The following DNM3 variants were observed in gnomAD, a reference collection of about 807,000 sequenced individuals.
The protein encoded by DNM3 is dynamin 3, also known as dynamin-3.
A neutral mutation model predicts 101.6 loss-of-function variants in DNM3; 47 were observed. That is an observed-to-expected ratio of 0.46 (90% confidence interval 0.37 to 0.59). DNM3 has a LOEUF of 0.59. DNM3 is among the 20% of genes least tolerant of loss of function. The pLI is 0.00. For synonymous variants in DNM3, 385 were observed against 387.9 expected (o/e 0.99, Z 0.09); for missense variants, 849 against 1,085.7 (o/e 0.78, Z 3.06).
chr1:172,285,232 A>G (rs994357441), intron 15 of DNM3, among the ~76,000 whole-genome samples: 1 of 152,178 alleles, frequency 6.6e-6, no homozygotes, highest in Non-Finnish European at 1.5e-5. Context: ...ATTATTTTAA[A>G]AACTGTCAGT....
intron 14 of DNM3, among the ~76,000 whole-genome samples, chr1:172,237,079 G>A (rs183417498): frequency 2.0e-5 from 3 of 152,196 alleles, no homozygotes; most frequent in African/African-American, 7.2e-5. Flanking sequence ...CTTAAAGGAA[G>A]CAGATAATTT....
intron 14 of DNM3, among the ~76,000 whole-genome samples, chr1:172,245,848 C>CACTGTG (rs1265325288): frequency 6.6e-6 from 1 of 152,126 alleles, no homozygotes; most frequent in Non-Finnish European, 1.5e-5. Context: ...TAGTCATCCA[C>CACTGTG]AGGTGTATTA....
chr1:171,896,285 T>C (rs1203891263), intron 1 of DNM3, among the ~76,000 whole-genome samples: 1 of 152,210 alleles, frequency 6.6e-6, no homozygotes, highest in Non-Finnish European at 1.5e-5. Flanking sequence ...GGAATGTTCT[T>C]CCATTTGTTT....
At chr1:172,248,986 A>G (rs1031335190) in intron 14 of DNM3, among the ~76,000 whole-genome samples, 2 of 152,210 alleles carry the variant, frequency 1.3e-5, no homozygotes, top group African/African-American at 4.8e-5. Context: ...GTATGAACAA[A>G]TACAATAATT....
At chr1:172,072,294 T>G (rs757984220) in intron 11 of DNM3, among the ~76,000 whole-genome samples, 8 of 152,168 alleles carry the variant, frequency 5.3e-5, no homozygotes, top group Non-Finnish European at 2.9e-5. Flanking sequence ...CTTCAAGATA[T>G]GAAACAAAAC....
intron 2 of DNM3, among the ~76,000 whole-genome samples, chr1:171,922,556 T>C (rs1330198667): frequency 6.6e-6 from 1 of 152,240 alleles, no homozygotes; most frequent in Admixed American, 6.5e-5. Flanking sequence ...TTACATACCA[T>C]ACAACTTGAC....
chr1:171,883,363 CCACA>C (rs71107337), intron 1 of DNM3, among the ~76,000 whole-genome samples: 11,393 of 119,808 alleles, frequency 0.095, 601 homozygotes, highest in Middle Eastern at 0.13. Context: ...CAAAAAAGGA[CCACA>C]CACACACACA....
chr1:171,868,343 C>T (rs2034958983), intron 1 of DNM3, among the ~76,000 whole-genome samples: 1 of 152,028 alleles, frequency 6.6e-6, no homozygotes. Context: ...TCCTGGCATG[C>T]CAGGCATTCA....
intron 14 of DNM3, chr1:172,144,581 G>A (rs778608878): frequency 5.6e-6 from 3 of 532,368 alleles, no homozygotes; most frequent in African/African-American, 3.9e-5. Context: ...ACTGTACAAC[G>A]GCATTGTCCT....
intron 13 of DNM3, among the ~76,000 whole-genome samples, chr1:172,100,866 C>CTCCAGGGAATTGT (rs1371061945): frequency 6.6e-6 from 1 of 152,110 alleles, no homozygotes; most frequent in Admixed American, 6.5e-5. Context: ...TGTCATCAGT[C>CTCCAGGGAATTGT]TCCAGGGAAT....
At chr1:171,843,310 G>C (rs1392039207) in intron 1 of DNM3, among the ~76,000 whole-genome samples, 1 of 152,092 alleles carries the variant, frequency 6.6e-6, no homozygotes, top group Non-Finnish European at 1.5e-5. Flanking sequence ...CAAAGTGAAG[G>C]TAAAGCATTT....
chr1:171,921,772 C>T lies in DNM3; in HGVS notation c.186C>T (p.Gly62=). ...VGRDFLPRGS[G]IVTRRPLVLQ... is the part of the protein sequence containing the mutation. ...GGGACTTTCTCCCTCGAGGGTCGGG[C>T]ATTGTAACAAGACGACCTCTTGTGC... is the stretch of plus-strand genomic sequence containing the variant. The change falls in exon 2 of 21, where the codon GGC becomes GGT. Residue 62 remains glycine, a synonymous_variant. Coordinates refer to ENST00000627582, the MANE Select transcript of DNM3 (RefSeq NM_015569.5). 4.4e-6 allele frequency: 7 copies of T among 1,600,106 alleles called. No homozygotes were observed. Among genetic ancestry groups the T allele is most frequent in the Non-Finnish European group, 6.0e-6 (7 of 1,172,444 alleles).
chr1:172,074,558 C>T (rs897947092), intron 11 of DNM3, among the ~76,000 whole-genome samples: 2 of 151,998 alleles, frequency 1.3e-5, no homozygotes, highest in Admixed American at 1.3e-4. Context: ...TGAGTGAGAA[C>T]ATGCAGTGTT....
chr1:172,343,211 C>A (rs987913122), intron 17 of DNM3, among the ~76,000 whole-genome samples: 1 of 152,124 alleles, frequency 6.6e-6, no homozygotes, highest in African/African-American at 2.4e-5. Context: ...AATAGAGAAG[C>A]TTTAACTATT....
intron 14 of DNM3, chr1:172,139,611 C>T (rs1318078405): frequency 6.6e-6 from 1 of 152,302 alleles, no homozygotes; most frequent in Non-Finnish European, 1.5e-5. Flanking sequence ...AGTTATCCAC[C>T]TCTTAATTAA....
intron 13 of DNM3, among the ~76,000 whole-genome samples, chr1:172,121,272 G>T (rs1437534838): frequency 6.6e-6 from 1 of 152,190 alleles, no homozygotes; most frequent in African/African-American, 2.4e-5. Context: ...TCTTATAGTG[G>T]TTTAGGTGAG....
At chr1:172,386,434 T>G (rs2069185112) in intron 18 of DNM3, among the ~76,000 whole-genome samples, 1 of 152,190 alleles carries the variant, frequency 6.6e-6, no homozygotes, top group African/African-American at 2.4e-5. Context: ...TCCCACATAG[T>G]GTTCATACTT....
intron 18 of DNM3, 48 bp downstream of exon 18, chr1:172,379,230 G>T (rs750631588): frequency 6.9e-7 from 1 of 1,448,042 alleles, no homozygotes; most frequent in African/African-American, 1.4e-5. Context: ...CCATCCGAGT[G>T]TGGAAGTTGC....
At chr1:172,173,640 C>A (rs570081168) in intron 14 of DNM3, among the ~76,000 whole-genome samples, 1 of 151,490 alleles carries the variant, frequency 6.6e-6, no homozygotes, top group African/African-American at 2.4e-5. Context: ...CCAAATGAAT[C>A]AGGGAGAAGT....
Sources: gnomAD v4.1 joint callset for allele counts (sites outside exome capture counted in the v4.1 genomes callset) on GRCh38, gnomAD v4.1.1 for gene constraint, MANE v1.5 for transcripts, NCBI Gene and HGNC (gene_info 2026-07-23, HGNC 2026-07-21) for gene names.